The following ITGB8 variants were observed in gnomAD, a reference collection of about 807,000 sequenced individuals.
ITGB8 encodes the protein integrin subunit beta 8.
Under a neutral mutation model 89.5 loss-of-function variants are expected in ITGB8, and 30 were observed. The observed-to-expected ratio is 0.34, with a 90% CI of 0.25 to 0.45. The LOEUF is 0.45. Ranked by LOEUF, ITGB8 falls within the 20% of genes least tolerant of loss-of-function variation. The pLI is 1.00. For missense variants in ITGB8, 836 were observed against 933.3 expected, an observed-to-expected ratio of 0.90 and a Z score of 1.36; for synonymous variants, 335 against 320.4, an observed-to-expected ratio of 1.05 and a Z score of -0.49.
chr7:20,404,355 C>G (rs1380816895), intron 10 of ITGB8, among the ~76,000 whole-genome samples: 1 of 152,194 alleles, frequency 6.6e-6, no homozygotes, highest in Admixed American at 6.5e-5. Flanking sequence ...CAATGACATT[C>G]AAGTAGTCTG....
At chr7:20,401,619 T>C in intron 9 of ITGB8, 102 bp from the exon 10 acceptor site, 2 of 661,722 alleles carry the variant, frequency 3.0e-6, no homozygotes, top group East Asian at 3.0e-5. Context: ...CGTTAATTTC[T>C]CTAAGATGGT....
chr7:20,342,106 C>T (rs1784777923), intron 1 of ITGB8, among the ~76,000 whole-genome samples: 1 of 152,122 alleles, frequency 6.6e-6, no homozygotes, highest in East Asian at 1.9e-4. Flanking sequence ...ACATGCAGAA[C>T]CAGAGTATTC....
chr7:20,331,910 T>C lies in ITGB8; in HGVS notation c.104T>C (p.Leu35Pro). ...CTCTGGGCAGCCTGGGTGTTTTCAC[T>C]TGTTCTTGGACTGGGCCAAGGTGGT... ...SFLWAAWVFS[L>P]VLGLGQGEDN... The change falls in exon 1 of 14, where the codon CTT (leucine) becomes CCT (proline). Residue 35 changes from leucine (L) to proline (P), a missense_variant. By Grantham distance (98) the Leu-to-Pro change is moderately conservative. Around this residue, in one of 5 missense-constraint regions of ITGB8, gnomAD observed 182 missense variants for 177.0 expected, o/e 1.03. Coordinates refer to ENST00000222573, the MANE Select transcript of ITGB8 (RefSeq NM_002214.3). 1 of 1,614,204 alleles carries C rather than the reference T, an allele frequency of 6.2e-7. No homozygotes were observed. Among genetic ancestry groups the C allele is most frequent in the Non-Finnish European group, 8.5e-7 (1 of 1,180,042 alleles).
At chr7:20,369,784 TAA>T (rs1785853014) in intron 3 of ITGB8, among the ~76,000 whole-genome samples, 1 of 152,196 alleles carries the variant, frequency 6.6e-6, no homozygotes, top group African/African-American at 2.4e-5. Flanking sequence ...AATAAAATTT[TAA>T]GTCAATACAA....
chr7:20,409,693 T>C lies in ITGB8; in HGVS notation c.2102T>C (p.Val701Ala). The C allele has an allele frequency of 6.2e-7, 1 of 1,609,988 alleles. No individual in the cohort carries two copies. The highest frequency in any genetic ancestry group is 8.5e-7 in the Non-Finnish European group (1 of 1,176,764). Reference sequence around the variant, plus strand: ...ACATTCTTGATTGGGTTGCTTAAAGTCCTGATCATTAGACAGGTGATACTA... The same window carrying C: ...ACATTCTTGATTGGGTTGCTTAAAGCCCTGATCATTAGACAGGTGATACTA... Reference protein sequence around the residue: ...IVTFLIGLLKVLIIRQVILQW... With the variant: ...IVTFLIGLLKALIIRQVILQW... Residue 701 changes from valine (V) to alanine (A), a missense_variant, in exon 13 of 14, where the codon GTC (valine) becomes GCC (alanine). This residue lies in a region of ITGB8 where 422 missense variants were observed against 416.9 expected (regional missense o/e 1.01). Transcript: ENST00000222573.
chr7:20,389,610 A>C (rs1185155865), intron 6 of ITGB8, among the ~76,000 whole-genome samples: 1 of 152,226 alleles, frequency 6.6e-6, no homozygotes. Context: ...TCCAAAAATT[A>C]AGAAGGGTGA....
At chr7:20,375,696 A>C (rs1329109441) in intron 3 of ITGB8, among the ~76,000 whole-genome samples, 1 of 152,238 alleles carries the variant, frequency 6.6e-6, no homozygotes, top group Non-Finnish European at 1.5e-5. Context: ...ATTTAATGTG[A>C]AATTAAAAAG....
chr7:20,407,306 G>A (rs1787584765), intron 12 of ITGB8, among the ~76,000 whole-genome samples: 1 of 151,432 alleles, frequency 6.6e-6, no homozygotes, highest in Non-Finnish European at 1.5e-5. Context: ...ACATTAATAT[G>A]TGCAGTTTTT....
At chr7:20,332,139 T>A in intron 1 of ITGB8, 1 of 1,102,834 alleles carries the variant, frequency 9.1e-7, no homozygotes, top group South Asian at 1.9e-5. Flanking sequence ...CAGCAAGGAC[T>A]AATTATCAGA....
At chr7:20,363,904 A>G (rs778537978) in intron 2 of ITGB8, among the ~76,000 whole-genome samples, 182 bp downstream of exon 2, 6 of 152,250 alleles carry the variant, frequency 3.9e-5, no homozygotes, top group Admixed American at 6.5e-5. Context: ...AAAATAAATC[A>G]TAACATTTTT....
chr7:20,331,850 G>A lies in ITGB8; in HGVS notation c.44G>A (p.Cys15Tyr), dbSNP rs1330014152. The A allele has an allele frequency of 6.2e-7, 1 of 1,613,752 alleles. No homozygotes were observed. The highest frequency in any genetic ancestry group is 2.2e-5 in the East Asian group (1 of 44,900). The change falls in exon 1 of 14, where the codon TGC becomes TAC. Residue 15 changes from cysteine (C) to tyrosine (Y), a missense_variant. Transcript: ENST00000222573. ...ALAFFTAAFV[C>Y]LQNDRRGPAS... Reference sequence around the variant, plus strand: ...GCTTTTTTTACCGCTGCATTTGTCTGCCTGCAAAACGACCGGCGAGGTCCC... The same window carrying A: ...GCTTTTTTTACCGCTGCATTTGTCTACCTGCAAAACGACCGGCGAGGTCCC...
At chr7:20,395,492 G>T (rs1421934750) in intron 8 of ITGB8, among the ~76,000 whole-genome samples, 1 of 152,184 alleles carries the variant, frequency 6.6e-6, no homozygotes, top group African/African-American at 2.4e-5. Flanking sequence ...TTGATTAAAA[G>T]AATCACCTTA....
At chr7:20,348,374 A>G (rs1289992368) in intron 1 of ITGB8, among the ~76,000 whole-genome samples, 6 of 152,150 alleles carry the variant, frequency 3.9e-5, no homozygotes, top group African/African-American at 1.4e-4. Context: ...GCATCACCCC[A>G]TTTGTGCCTG....
chr7:20,380,963 C>T, intron 5 of ITGB8, 132 bp downstream of exon 5: 2 of 734,832 alleles, frequency 2.7e-6, no homozygotes, highest in Non-Finnish European at 4.5e-6. Flanking sequence ...ATCTCTTACT[C>T]CTCACCAAGG....
intron 3 of ITGB8, among the ~76,000 whole-genome samples, chr7:20,371,726 T>C (rs1785942488): frequency 6.6e-6 from 1 of 152,192 alleles, no homozygotes; most frequent in Admixed American, 6.5e-5. Flanking sequence ...TTAAAACACA[T>C]CTTCACTGAA....
At chr7:20,333,798 T>A (rs1583459145) in intron 1 of ITGB8, among the ~76,000 whole-genome samples, 1 of 152,308 alleles carries the variant, frequency 6.6e-6, no homozygotes, top group East Asian at 1.9e-4. Flanking sequence ...CTGATTTGCA[T>A]GGCAGTTAAA....
At chr7:20,335,398 G>C (rs963428081) in intron 1 of ITGB8, among the ~76,000 whole-genome samples, 2 of 151,962 alleles carry the variant, frequency 1.3e-5, no homozygotes, top group Admixed American at 6.6e-5. Context: ...TTTTTGATAC[G>C]CATGTATATG....
chr7:20,411,206 G>A lies in ITGB8; in HGVS notation c.*1209G>A, dbSNP rs1412212285. The A allele has an allele frequency of 7.7e-6, 1 of 129,930 alleles. No homozygotes were observed. The highest frequency in any genetic ancestry group is 1.6e-5 in the Non-Finnish European group (1 of 64,442). The allele number at this position is 129,930 out of a possible 1,614,324, so 8.0% of individuals were successfully genotyped here. On this transcript the variant is annotated 3_prime_UTR_variant, in exon 14 of 14. Transcript: ENST00000222573. Reference sequence around the variant, plus strand: ...TTTCACTCTTGTCACCCAGGCTGAAGTGCAATGGCGCAATTAGGGTTCACT... The same window carrying A: ...TTTCACTCTTGTCACCCAGGCTGAAATGCAATGGCGCAATTAGGGTTCACT...
intron 12 of ITGB8, among the ~76,000 whole-genome samples, chr7:20,409,388 T>C (rs1787675594): frequency 6.6e-6 from 1 of 152,246 alleles, no homozygotes; most frequent in Admixed American, 6.5e-5. Flanking sequence ...ATCATGGCTA[T>C]TTCCCAAAGG....
Sources: allele counts gnomAD v4.1 joint callset (sites outside exome capture counted in the v4.1 genomes callset), GRCh38; gene constraint gnomAD v4.1.1; regional missense constraint gnomAD v4.1.1; transcripts MANE v1.5; gene names NCBI Gene and HGNC (gene_info 2026-07-23, HGNC 2026-07-21).